The following CRISPLD2 variants were observed in gnomAD, a reference collection of about 807,000 sequenced individuals.
The protein encoded by CRISPLD2 is cysteine rich secretory protein LCCL domain containing 2.
Under a neutral mutation model 71.1 loss-of-function variants are expected in CRISPLD2, and 47 were observed. That is an observed-to-expected ratio of 0.66 (90% confidence interval 0.52 to 0.84). The LOEUF (loss-of-function observed/expected upper bound fraction) is 0.84, where lower values mean the gene tolerates loss of function less well. Among genes scored for constraint, CRISPLD2 ranks in the 40% least tolerant of loss-of-function variants. CRISPLD2 has a pLI of 0.00. For synonymous variants in CRISPLD2, 317 were observed against 250.1 expected (o/e 1.27, Z -2.52); for missense variants, 830 against 651.1 (o/e 1.27, Z -2.99).
At chr16:84,893,617 A>G (rs1388959113) in intron 14 of CRISPLD2, among the ~76,000 whole-genome samples, 3 of 152,230 alleles carry the variant, frequency 2.0e-5, no homozygotes, top group Non-Finnish European at 4.4e-5. Flanking sequence ...TGCCAGCAGC[A>G]GGGCCCAGGG....
Position 84,909,067 on chromosome 16 carries a change from A to G in CRISPLD2, c.*2425A>G, listed in dbSNP as rs1477201540. On this transcript the variant is annotated 3_prime_UTR_variant, in exon 15 of 15. Transcript: ENST00000262424. ...GTCTTCAGAAAATGGAAACAAGACT[A>G]TAAATGATAAGCCCTGTCCCTAGCA... is the stretch of plus-strand genomic sequence containing the variant. 1 of 152,364 alleles carries G rather than the reference A, an allele frequency of 6.6e-6. No homozygotes were observed. Among genetic ancestry groups the G allele is most frequent in the Non-Finnish European group, 1.5e-5 (1 of 68,060 alleles). The allele number at this position is 152,364 out of a possible 1,614,324, so 9.4% of individuals were successfully genotyped here.
chr16:84,852,716 T>G (rs1917124316), intron 5 of CRISPLD2, among the ~76,000 whole-genome samples: 1 of 150,318 alleles, frequency 6.7e-6, no homozygotes, highest in South Asian at 2.1e-4. Flanking sequence ...AGGGGTGGGG[T>G]GGGTGTGTAC....
chr16:84,839,881 G>C (rs1916724735), intron 2 of CRISPLD2: 1 of 152,388 alleles, frequency 6.6e-6, no homozygotes, highest in African/African-American at 2.4e-5. Context: ...CCCAGCTGCA[G>C]TGGGACTGAG....
At chr16:84,886,262 C>A (rs2071612332) in intron 13 of CRISPLD2, among the ~76,000 whole-genome samples, 1 of 152,138 alleles carries the variant, frequency 6.6e-6, no homozygotes, top group South Asian at 2.1e-4. Flanking sequence ...TATTGCTTGT[C>A]CCATTTAAAG....
intron 5 of CRISPLD2, among the ~76,000 whole-genome samples, chr16:84,852,616 T>A (rs1917120964): frequency 6.6e-6 from 1 of 151,708 alleles, no homozygotes; most frequent in Non-Finnish European, 1.5e-5. Flanking sequence ...CAGGACACTG[T>A]CCCAGGCACC....
intron 6 of CRISPLD2, among the ~76,000 whole-genome samples, chr16:84,858,100 A>G (rs2143242247): frequency 6.6e-6 from 1 of 152,236 alleles, no homozygotes; most frequent in African/African-American, 2.4e-5. Context: ...CTTACTCCAA[A>G]ATCCTAGAGG....
intron 2 of CRISPLD2, among the ~76,000 whole-genome samples, chr16:84,844,480 T>TCTTTC (rs1310784896): frequency 6.6e-6 from 1 of 150,544 alleles, no homozygotes; most frequent in African/African-American, 2.4e-5. Flanking sequence ...TCTTTTCTTT[T>TCTTTC]CTTTCTTTTT....
At chr16:84,838,990 G>A (rs1916702281) in intron 2 of CRISPLD2, 2 of 616,266 alleles carry the variant, frequency 3.2e-6, no homozygotes, top group Admixed American at 2.1e-5. Flanking sequence ...CCGGGGTTAA[G>A]CGATCCTGCT....
intron 13 of CRISPLD2, among the ~76,000 whole-genome samples, chr16:84,887,465 A>C (rs985637031): frequency 6.6e-6 from 1 of 152,184 alleles, no homozygotes; most frequent in African/African-American, 2.4e-5. Flanking sequence ...CCAGCTTTTC[A>C]TCTTTCCTTA....
At chr16:84,903,204 C>A (rs1293538682) in intron 14 of CRISPLD2, among the ~76,000 whole-genome samples, 1 of 152,144 alleles carries the variant, frequency 6.6e-6, no homozygotes, top group African/African-American at 2.4e-5. Flanking sequence ...TCCCCTCCTC[C>A]CACCTTCCGG....
intron 1 of CRISPLD2, among the ~76,000 whole-genome samples, chr16:84,832,911 G>T (rs562660454): frequency 2.0e-5 from 3 of 152,168 alleles, no homozygotes; most frequent in Non-Finnish European, 2.9e-5. Flanking sequence ...GAGACCCCTC[G>T]CTAAACTTGG....
At chr16:84,872,349 T>C (rs2071478153) in intron 8 of CRISPLD2, 93 bp from the exon 9 acceptor site, 4 of 1,026,266 alleles carry the variant, frequency 3.9e-6, no homozygotes, top group Middle Eastern at 2.2e-4. Context: ...CTATATTTAG[T>C]AATAGAGCCA....
At chr16:84,862,122 C>A (rs999806812) in intron 6 of CRISPLD2, among the ~76,000 whole-genome samples, 21 of 152,278 alleles carry the variant, frequency 1.4e-4, no homozygotes, top group African/African-American at 4.8e-4. Flanking sequence ...TGCTGGTGCT[C>A]CCCTGACTGT....
At chr16:84,898,064 TATC>T (rs2071721948) in intron 14 of CRISPLD2, among the ~76,000 whole-genome samples, 1 of 152,272 alleles carries the variant, frequency 6.6e-6, no homozygotes, top group Non-Finnish European at 1.5e-5. Context: ...ATCATCCGTT[TATC>T]ATCACTGATT....
rs561692567 is a variant in CRISPLD2 at position 84,867,456 on chromosome 16, A to G, written c.853+416A>G. ...TCTGGACTCAGTTGGCGCATCCATG[A>G]AGTAGGGGATAGAGATGCCACATCA... On this transcript the variant is annotated intron_variant, in intron 7 of 14. Coordinates refer to ENST00000262424, the MANE Select transcript of CRISPLD2 (RefSeq NM_031476.4). Among the ~76,000 whole-genome samples the G allele has an allele frequency of 3.9e-5, 6 of 152,314 alleles. No homozygotes were observed. In the East Asian group the frequency reaches 1.2e-3, roughly 29 times the overall value.
chr16:84,833,742 T>C (rs1332686355), intron 1 of CRISPLD2, among the ~76,000 whole-genome samples: 1 of 152,146 alleles, frequency 6.6e-6, no homozygotes, highest in African/African-American at 2.4e-5. Flanking sequence ...CGTGTTTGTG[T>C]TGGTGGAACG....
intron 9 of CRISPLD2, 117 bp from the exon 10 acceptor site, chr16:84,872,875 C>T: frequency 1.5e-6 from 2 of 1,318,714 alleles, no homozygotes; most frequent in East Asian, 2.4e-5. Context: ...GCAGAGTGAG[C>T]TTTGGCCTGT....
chr16:84,849,252 G>A (rs938219633), intron 3 of CRISPLD2, 133 bp from the exon 4 acceptor site: 2 of 888,728 alleles, frequency 2.3e-6, no homozygotes, highest in Admixed American at 2.3e-5. Flanking sequence ...CCGGCTGCCC[G>A]TGGCTGCTCC....
At chr16:84,898,500 C>T (rs188886860) in intron 14 of CRISPLD2, among the ~76,000 whole-genome samples, 13 of 152,192 alleles carry the variant, frequency 8.5e-5, no homozygotes, top group Non-Finnish European at 1.5e-4. Context: ...GGCTCTCATA[C>T]GTTCCTGGGC....
Sources: allele counts gnomAD v4.1 joint callset (sites outside exome capture counted in the v4.1 genomes callset), GRCh38; gene constraint gnomAD v4.1.1; transcripts MANE v1.5; gene names NCBI Gene and HGNC (gene_info 2026-07-23, HGNC 2026-07-21).